LRSAM1: variants seen among roughly 807,000 people sequenced by gnomAD.
The protein encoded by LRSAM1 is leucine rich repeat and sterile alpha motif containing 1.
A neutral mutation model predicts 118.1 loss-of-function variants in LRSAM1; 96 were observed. The observed-to-expected ratio is 0.81, with a 90% CI of 0.69 to 0.96. The LOEUF is 0.96. Ranked by LOEUF, LRSAM1 falls within the 40% of genes least tolerant of loss-of-function variation. The probability of loss-of-function intolerance (pLI) is 0.00; values close to 1 mark genes in which losing one functional copy is unlikely to be tolerated. For synonymous variants in LRSAM1, 322 were observed against 364.2 expected, an observed-to-expected ratio of 0.88 and a Z score of 1.32; for missense variants, 804 against 915.5, an observed-to-expected ratio of 0.88 and a Z score of 1.57.
intron 19 of LRSAM1, 119 bp from the exon 20 acceptor site, chr9:127,491,096 G>T: frequency 1.2e-6 from 1 of 829,708 alleles, no homozygotes. Flanking sequence ...TCATTCCAGA[G>T]CCTCCCCAGC....
In LRSAM1 at chr9:127,454,437, C is replaced by G. The variant is rs1348452538; in HGVS notation, c.-32-59C>G. The G allele has an allele frequency of 2.3e-6, 3 of 1,306,126 alleles. No homozygotes were observed. In the African/African-American group the frequency reaches 4.3e-5, roughly 19 times the overall value. The allele number at this position is 1,306,126 out of a possible 1,614,324, so 80.9% of individuals were successfully genotyped here. On this transcript the variant is annotated intron_variant, in intron 2 of 25. Coordinates refer to ENST00000300417, the MANE Select transcript of LRSAM1 (RefSeq NM_001005373.4). ...TGCTCTGTGTTACTGCACTACCTGT[C>G]CCGGGTGTTGGGGGCTGTGACAAAT... is the stretch of plus-strand genomic sequence containing the variant.
intron 3 of LRSAM1, 91 bp from the exon 4 acceptor site, chr9:127,454,907 C>T: frequency 8.0e-7 from 1 of 1,247,946 alleles, no homozygotes. Context: ...TGGTCCTTTG[C>T]AGCTGCTTAC....
intron 10 of LRSAM1, among the ~76,000 whole-genome samples, chr9:127,473,385 G>A (rs754642669): frequency 2.0e-5 from 3 of 152,220 alleles, no homozygotes; most frequent in Non-Finnish European, 4.4e-5. Flanking sequence ...CAAATAGGAA[G>A]TGAGTCTAAG....
chr9:127,482,565 C>G (rs937637329), intron 15 of LRSAM1, among the ~76,000 whole-genome samples: 1 of 152,206 alleles, frequency 6.6e-6, no homozygotes, highest in East Asian at 1.9e-4. Context: ...ATTTCTCCAC[C>G]ACCATCACCA....
chr9:127,502,499 A>C (rs1351404269), intron 25 of LRSAM1, among the ~76,000 whole-genome samples: 4 of 152,166 alleles, frequency 2.6e-5, no homozygotes, highest in African/African-American at 9.6e-5. Context: ...AGCCTGACCA[A>C]CATGGTGAAA....
chr9:127,468,978 C>T (rs1564261200), intron 10 of LRSAM1, among the ~76,000 whole-genome samples: 1 of 150,908 alleles, frequency 6.6e-6, no homozygotes, highest in Non-Finnish European at 1.5e-5. Context: ...TACCCTATCT[C>T]AAAAAAAAGG....
chr9:127,483,131 C>A (rs551914141), intron 16 of LRSAM1, 111 bp downstream of exon 16: 3 of 995,942 alleles, frequency 3.0e-6, no homozygotes, highest in Non-Finnish European at 4.7e-6. Context: ...TGTTAGCCCT[C>A]GAGAGGGGCA....
intron 16 of LRSAM1, among the ~76,000 whole-genome samples, chr9:127,483,645 C>G (rs1289178539): frequency 2.0e-5 from 3 of 152,002 alleles, no homozygotes; most frequent in Admixed American, 2.0e-4. Context: ...GTAAACTTTA[C>G]CATCTTAATC....
At chr9:127,483,737 C>G (rs1013725620) in intron 16 of LRSAM1, among the ~76,000 whole-genome samples, 2 of 152,156 alleles carry the variant, frequency 1.3e-5, no homozygotes, top group Non-Finnish European at 2.9e-5. Context: ...GATCTTGGCT[C>G]ACTGCAACCT....
At chr9:127,499,879 C>T (rs1188130359) in intron 24 of LRSAM1, among the ~76,000 whole-genome samples, 1 of 149,980 alleles carries the variant, frequency 6.7e-6, no homozygotes, top group Non-Finnish European at 1.5e-5. Flanking sequence ...GAGCCGAGAT[C>T]GCACCACACT....
intron 17 of LRSAM1, chr9:127,487,410 G>A: frequency 2.4e-6 from 1 of 420,950 alleles, no homozygotes; most frequent in Non-Finnish European, 4.5e-6. Context: ...GGGGGGTGCT[G>A]GGGAGGGGAT....
intron 12 of LRSAM1, 31 bp downstream of exon 12, chr9:127,478,994 C>G: frequency 1.9e-6 from 3 of 1,599,060 alleles, no homozygotes; most frequent in Non-Finnish European, 1.7e-6. Context: ...TTCTGTCACT[C>G]TTTTCTCATT....
Position 127,479,966 on chromosome 9 carries a change from A to T in LRSAM1, c.1031A>T (p.Gln344Leu), listed in dbSNP as rs756469742. The change falls in exon 14 of 26, where the codon CAG becomes CTG. Residue 344 changes from glutamine to leucine, a missense_variant. Coordinates refer to ENST00000300417, the MANE Select transcript of LRSAM1 (RefSeq NM_001005373.4). ...NISSRIQKLLQDNQRQKKSSE... is the reference protein window; with the variant it reads ...NISSRIQKLLLDNQRQKKSSE... ...TCCAGCCGGATCCAGAAGCTGCTGC[A>T]GGACAATCAGAGGTTGGGCTCTGCT... 3 of 1,614,082 alleles carry T rather than the reference A, an allele frequency of 1.9e-6. No individual in the cohort carries two copies. In the Admixed American group the frequency reaches 5.0e-5, roughly 27 times the overall value.
chr9:127,481,339 G>A (rs1388800978), intron 15 of LRSAM1, 112 bp downstream of exon 15: 12 of 1,153,586 alleles, frequency 1.0e-5, no homozygotes, highest in South Asian at 2.6e-5. Flanking sequence ...TGCAACCCCC[G>A]CCGCCCAGGT....
intron 17 of LRSAM1, among the ~76,000 whole-genome samples, 165 bp downstream of exon 17, chr9:127,486,000 C>T (rs991218368): frequency 1.3e-5 from 2 of 152,196 alleles, no homozygotes; most frequent in Admixed American, 6.5e-5. Context: ...GTTTTCTAGC[C>T]GGATCCATGA....
Position 127,492,911 on chromosome 9 carries a change from T to G in LRSAM1, c.1599+14T>G. 1.2e-6 allele frequency: 2 copies of G among 1,611,104 alleles called. No individual in the cohort carries two copies. The highest frequency in any genetic ancestry group is 1.7e-6 in the Non-Finnish European group (2 of 1,177,454). ...CGGGAAATCCTGGTATGTGTTTGGC[T>G]TCTGTGCTCAGCATCACACAGGCAT... On this transcript the variant is annotated intron_variant, in intron 21 of 25. Coordinates refer to ENST00000300417, the MANE Select transcript of LRSAM1 (RefSeq NM_001005373.4).
intron 23 of LRSAM1, 92 bp from the exon 24 acceptor site, chr9:127,497,161 G>A (rs566627238): frequency 4.1e-5 from 54 of 1,307,524 alleles, no homozygotes; most frequent in Non-Finnish European, 4.9e-5. Context: ...AGGTGTCGAC[G>A]GTCCTGTGAG....
At chr9:127,485,088 A>G (rs1268128730) in intron 16 of LRSAM1, among the ~76,000 whole-genome samples, 2 of 152,058 alleles carry the variant, frequency 1.3e-5, no homozygotes, top group African/African-American at 4.8e-5. Context: ...GATTACAGGC[A>G]TAAGCCACCA....
intron 16 of LRSAM1, 88 bp from the exon 17 acceptor site, chr9:127,485,648 G>C (rs1835702716): frequency 1.5e-5 from 19 of 1,241,518 alleles, no homozygotes; most frequent in Non-Finnish European, 2.3e-5. Context: ...CTGTTCCTCA[G>C]TTCCTGTGGA....
Sources: gnomAD v4.1 joint callset for allele counts (sites outside exome capture counted in the v4.1 genomes callset) on GRCh38, gnomAD v4.1.1 for gene constraint, MANE v1.5 for transcripts, NCBI Gene and HGNC (gene_info 2026-07-23, HGNC 2026-07-21) for gene names.